The following TMEM132D variants were observed in gnomAD, a reference collection of about 807,000 sequenced individuals.
TMEM132D encodes mature OL transmembrane protein.
Under a neutral mutation model 62.3 loss-of-function variants are expected in TMEM132D, and 21 were observed. The ratio of observed to expected loss-of-function variants is 0.34; its 90% CI spans 0.24 to 0.49. The LOEUF (loss-of-function observed/expected upper bound fraction) is 0.49. TMEM132D is among the 20% of genes least tolerant of loss of function. The probability of loss-of-function intolerance (pLI) is 0.99; values close to 1 mark genes in which losing one functional copy is unlikely to be tolerated. For synonymous variants in TMEM132D, 621 were observed against 575.6 expected (o/e 1.08, Z -1.13); for missense variants, 1,346 against 1,402.8 (o/e 0.96, Z 0.65).
At chr12:129,084,724 A>G (rs2135620178) in intron 5 of TMEM132D, 22 bp from the exon 6 acceptor site, 1 of 1,610,976 alleles carries the variant, frequency 6.2e-7, no homozygotes, top group South Asian at 1.1e-5. Context: ...TGAGAGAGAA[A>G]AGGGGAGGGA....
At chr12:129,454,549 C>T (rs1873399153) in intron 3 of TMEM132D, among the ~76,000 whole-genome samples, 1 of 152,192 alleles carries the variant, frequency 6.6e-6, no homozygotes, top group Non-Finnish European at 1.5e-5. Context: ...CACAATGATA[C>T]TTTACAGGCA....
chr12:129,409,654 A>G (rs1871905379), intron 3 of TMEM132D, among the ~76,000 whole-genome samples: 1 of 152,226 alleles, frequency 6.6e-6, no homozygotes, highest in African/African-American at 2.4e-5. Context: ...TTCAATTCCT[A>G]TAAAATAAAT....
intron 5 of TMEM132D, among the ~76,000 whole-genome samples, chr12:129,087,799 T>C (rs1470995103): frequency 2.0e-5 from 3 of 152,210 alleles, no homozygotes; most frequent in South Asian, 2.1e-4. Flanking sequence ...TGGTTTGTTA[T>C]TGCAGCTGCA....
chr12:129,139,956 T>C (rs1876690829), intron 5 of TMEM132D, among the ~76,000 whole-genome samples: 1 of 151,944 alleles, frequency 6.6e-6, no homozygotes, highest in Non-Finnish European at 1.5e-5. Flanking sequence ...GCTCAAGCTA[T>C]CCTCCCTCCT....
intron 2 of TMEM132D, among the ~76,000 whole-genome samples, chr12:129,696,322 C>T (rs1593123817): frequency 6.6e-6 from 1 of 152,324 alleles, no homozygotes; most frequent in Non-Finnish European, 1.5e-5. Context: ...CAGTGCTAGG[C>T]ATATGGCACT....
chr12:129,365,967 G>A (rs774255743), intron 3 of TMEM132D, among the ~76,000 whole-genome samples: 7 of 151,946 alleles, frequency 4.6e-5, no homozygotes, highest in African/African-American at 1.4e-4. Flanking sequence ...CACACCTACC[G>A]AGAGAGCAGT....
chr12:129,871,335 G>C (rs1490854779), intron 1 of TMEM132D, among the ~76,000 whole-genome samples: 1 of 152,080 alleles, frequency 6.6e-6, no homozygotes, highest in African/African-American at 2.4e-5. Flanking sequence ...ATGAGGGCAA[G>C]TCTGCCCAAG....
intron 4 of TMEM132D, among the ~76,000 whole-genome samples, chr12:129,292,416 C>T (rs564700909): frequency 6.6e-6 from 1 of 152,314 alleles, no homozygotes; most frequent in Admixed American, 6.5e-5. Flanking sequence ...TATGCAAGCC[C>T]TTCATTGCTA....
intron 2 of TMEM132D, among the ~76,000 whole-genome samples, chr12:129,560,878 C>T (rs11060440): frequency 0.058 from 8,898 of 152,206 alleles, 357 homozygotes; most frequent in Middle Eastern, 0.12. Context: ...CTGTAAGCCA[C>T]GCGTCACTTT....
intron 2 of TMEM132D, among the ~76,000 whole-genome samples, chr12:129,694,804 C>G (rs908247866): frequency 6.6e-6 from 1 of 152,130 alleles, no homozygotes; most frequent in Non-Finnish European, 1.5e-5. Flanking sequence ...GTCAGGAGAT[C>G]GAGACCATCC....
intron 2 of TMEM132D, among the ~76,000 whole-genome samples, chr12:129,647,735 T>C (rs997677856): frequency 1.3e-5 from 2 of 152,232 alleles, no homozygotes; most frequent in Non-Finnish European, 2.9e-5. Flanking sequence ...AATCCACACA[T>C]CTTTTGCTAA....
intron 4 of TMEM132D, among the ~76,000 whole-genome samples, chr12:129,268,395 A>C (rs1218080358): frequency 6.6e-6 from 1 of 152,258 alleles, no homozygotes; most frequent in Non-Finnish European, 1.5e-5. Context: ...GACACTTCTC[A>C]AAAGAAGACA....
chr12:129,377,661 T>C (rs926859835), intron 3 of TMEM132D, among the ~76,000 whole-genome samples: 2 of 152,180 alleles, frequency 1.3e-5, no homozygotes, highest in African/African-American at 4.8e-5. Context: ...TGTGTATCTC[T>C]CCAGGAACCA....
At chr12:129,522,591 C>T (rs967103380) in intron 3 of TMEM132D, 4 of 152,006 alleles carry the variant, frequency 2.6e-5, no homozygotes, top group Non-Finnish European at 5.9e-5. Flanking sequence ...GACCGTGCGG[C>T]CCACACAGTT....
At chr12:129,125,452 T>C (rs1876183579) in intron 5 of TMEM132D, among the ~76,000 whole-genome samples, 4 of 151,418 alleles carry the variant, frequency 2.6e-5, no homozygotes. Context: ...TTTTGTACAA[T>C]ACAATAAAAA....
At chr12:129,701,840 C>T (rs1200312750) in intron 1 of TMEM132D, among the ~76,000 whole-genome samples, 1 of 152,228 alleles carries the variant, frequency 6.6e-6, no homozygotes, top group African/African-American at 2.4e-5. Flanking sequence ...CCACCTTTCT[C>T]AAAGGCCCAC....
At chr12:129,315,868 G>A (rs1049701769) in intron 4 of TMEM132D, among the ~76,000 whole-genome samples, 6 of 152,144 alleles carry the variant, frequency 3.9e-5, no homozygotes, top group Admixed American at 3.3e-4. Context: ...TTTAGGCTAG[G>A]AGGGTTGTAA....
chr12:129,582,943 G>GTTTT (rs1491401367), intron 2 of TMEM132D, among the ~76,000 whole-genome samples: 1 of 147,796 alleles, frequency 6.8e-6, no homozygotes, highest in African/African-American at 2.5e-5. Context: ...TTTTTGTTTT[G>GTTTT]TTTTGGAGAC....
intron 5 of TMEM132D, among the ~76,000 whole-genome samples, chr12:129,174,001 ATTTAT>A (rs1877823024): frequency 6.6e-6 from 1 of 152,170 alleles, no homozygotes; most frequent in South Asian, 2.1e-4. Flanking sequence ...GGAAATACGA[ATTTAT>A]TTTAATAAAA....
Sources: gnomAD v4.1 joint callset for allele counts (sites outside exome capture counted in the v4.1 genomes callset) on GRCh38, gnomAD v4.1.1 for gene constraint, MANE v1.5 for transcripts, NCBI Gene and HGNC (gene_info 2026-07-23, HGNC 2026-07-21) for gene names.